GRM7: variants seen among roughly 807,000 people sequenced by gnomAD.
GRM7 encodes the protein glutamate metabotropic receptor 7.
In GRM7, 35 loss-of-function variants were observed where a neutral mutation model predicts 84.5. That is an observed-to-expected ratio of 0.41 (90% CI 0.32 to 0.55). The LOEUF is 0.55. Among genes scored for constraint, GRM7 ranks in the 20% least tolerant of loss-of-function variants. GRM7 has a pLI of 0.19. For synonymous variants in GRM7, 487 were observed against 455.1 expected, an observed-to-expected ratio of 1.07 and a Z score of -0.89; for missense variants, 1,003 against 1,194.6, an observed-to-expected ratio of 0.84 and a Z score of 2.36.
intron 1 of GRM7, among the ~76,000 whole-genome samples, chr3:7,054,288 A>C (rs530250231): frequency 1.3e-5 from 2 of 149,454 alleles, no homozygotes; most frequent in Middle Eastern, 3.7e-3. Context: ...TATATCATAA[A>C]AGATAAGATT....
In GRM7 at chr3:7,512,605, A is replaced by G. The variant is rs1446128641; in HGVS notation, c.1515+50883A>G. On this transcript the variant is annotated intron_variant, in intron 7 of 9. Coordinates refer to ENST00000357716, the MANE Select transcript of GRM7 (RefSeq NM_000844.4). ...TTTTAGATTTTTTTTTTTTTTTTTG[A>G]GCATTAGAGAGACATTTGGGAATTT... 2.6e-5 allele frequency among the ~76,000 whole-genome samples: 3 copies of G among 114,848 alleles called. No homozygotes were observed. In the Admixed American group the frequency reaches 2.8e-4, roughly 11 times the overall value. 75.3% of individuals were successfully genotyped at this position (114,848 alleles called of 152,430 possible).
chr3:7,115,599 C>A (rs75280728), intron 1 of GRM7, among the ~76,000 whole-genome samples: 1,860 of 152,188 alleles, frequency 0.012, 35 homozygotes, highest in African/African-American at 0.042. Context: ...AAGGGAAGGG[C>A]TAATCTATTA....
chr3:6,958,529 C>A (rs541280275), intron 1 of GRM7, among the ~76,000 whole-genome samples: 1 of 151,838 alleles, frequency 6.6e-6, no homozygotes, highest in African/African-American at 2.4e-5. Flanking sequence ...TTTCATTTTC[C>A]CTGGGTAAAT....
intron 4 of GRM7, among the ~76,000 whole-genome samples, chr3:7,338,933 G>T (rs1701529513): frequency 6.7e-6 from 1 of 149,024 alleles, no homozygotes; most frequent in Non-Finnish European, 1.5e-5. Context: ...TTTCCAGGCT[G>T]GGGAAAAAAA....
chr3:7,621,418 A>G lies in GRM7; in HGVS notation c.2451+42061A>G, dbSNP rs574363512. On this transcript the variant is annotated intron_variant, in intron 8 of 9. Coordinates refer to ENST00000357716, the MANE Select transcript of GRM7 (RefSeq NM_000844.4). ...ATTGGATGTCTCAAGTCATTTAGTT[A>G]ATTAAACACAAACGTGGACCCTGCC... Among the ~76,000 whole-genome samples the G allele has an allele frequency of 4.6e-5, 7 of 152,238 alleles. No homozygotes were observed. The East Asian group carries it at 9.7e-4, about 21-fold the overall frequency.
chr3:7,616,941 A>G (rs1316299296), intron 8 of GRM7, among the ~76,000 whole-genome samples: 1 of 152,182 alleles, frequency 6.6e-6, no homozygotes, highest in Non-Finnish European at 1.5e-5. Context: ...TAATGGAATT[A>G]AACTAAGTCT....
intron 1 of GRM7, among the ~76,000 whole-genome samples, chr3:6,995,549 G>A (rs911975258): frequency 1.3e-5 from 2 of 152,114 alleles, no homozygotes; most frequent in African/African-American, 2.4e-5. Context: ...GGATGCAATG[G>A]CAATTTTGTA....
intron 1 of GRM7, among the ~76,000 whole-genome samples, chr3:6,996,289 C>A (rs566002693): frequency 2.6e-5 from 4 of 152,112 alleles, no homozygotes; most frequent in Non-Finnish European, 5.9e-5. Context: ...ACCTCGTGAT[C>A]CACCTGCTTC....
chr3:7,422,152 A>G (rs77595661), intron 5 of GRM7, among the ~76,000 whole-genome samples: 12,289 of 152,074 alleles, frequency 0.081, 1,526 homozygotes, highest in African/African-American at 0.27. Flanking sequence ...CTATCCCTTT[A>G]GATCAGGGCA....
intron 1 of GRM7, among the ~76,000 whole-genome samples, chr3:6,921,903 G>C (rs1347653658): frequency 6.6e-6 from 1 of 152,134 alleles, no homozygotes; most frequent in Non-Finnish European, 1.5e-5. Context: ...CACAGACCGA[G>C]ATGCTGGGAC....
intron 9 of GRM7, among the ~76,000 whole-genome samples, chr3:7,735,374 T>A (rs1461616336): frequency 1.3e-5 from 1 of 78,808 alleles, no homozygotes; most frequent in Non-Finnish European, 2.4e-5. Flanking sequence ...TGCAAAATGA[T>A]CCACTAAAAA....
chr3:7,566,162 C>T (rs983032645), intron 7 of GRM7, among the ~76,000 whole-genome samples: 2 of 126,004 alleles, frequency 1.6e-5, no homozygotes, highest in East Asian at 2.2e-4. Flanking sequence ...ATACTTTAGG[C>T]TTTTCTGGCT....
In GRM7 at chr3:6,904,450, A is replaced by C. The variant is rs190731801; in HGVS notation, c.519+42543A>C. On this transcript the variant is annotated intron_variant, in intron 1 of 9. Transcript: ENST00000357716. The stretch of plus-strand genomic sequence containing the variant: ...AAAGTAGGATACTAGTTTGTGTCTC[A>C]TAGGATTTCTTTGTGAAAATTCAGC... Among the ~76,000 whole-genome samples, 6 of 152,260 alleles carry C rather than the reference A, an allele frequency of 3.9e-5. No homozygotes were observed. The East Asian group carries it at 1.2e-3, about 29-fold the overall frequency.
intron 1 of GRM7, among the ~76,000 whole-genome samples, chr3:6,969,804 A>C (rs1411096847): frequency 6.6e-6 from 1 of 152,204 alleles, no homozygotes; most frequent in Non-Finnish European, 1.5e-5. Context: ...TTAGGGGTAC[A>C]GGGAATCTCC....
At chr3:7,720,706 A>C (rs1396020665) in intron 9 of GRM7, among the ~76,000 whole-genome samples, 1 of 152,250 alleles carries the variant, frequency 6.6e-6, no homozygotes, top group African/African-American at 2.4e-5. Context: ...TAGGTGCTAA[A>C]GATAAAAAGA....
At chr3:7,271,627 A>C (rs1218438781) in intron 2 of GRM7, among the ~76,000 whole-genome samples, 1 of 151,882 alleles carries the variant, frequency 6.6e-6, no homozygotes, top group Non-Finnish European at 1.5e-5. Flanking sequence ...TCAGTGGATC[A>C]GAACCTGGAT....
intron 9 of GRM7, among the ~76,000 whole-genome samples, chr3:7,700,215 T>C (rs1337760689): frequency 6.6e-6 from 1 of 152,102 alleles, no homozygotes; most frequent in Non-Finnish European, 1.5e-5. Flanking sequence ...TCAGTGGATG[T>C]CCCTGAACTC....
chr3:7,162,069 C>T (rs1047351459), intron 2 of GRM7, among the ~76,000 whole-genome samples: 5 of 152,100 alleles, frequency 3.3e-5, no homozygotes, highest in Non-Finnish European at 5.9e-5. Context: ...ATGGTTGTTA[C>T]GAGCAGATTT....
chr3:7,425,356 C>T (rs188621360), intron 5 of GRM7, among the ~76,000 whole-genome samples: 68 of 152,310 alleles, frequency 4.5e-4, no homozygotes, highest in Admixed American at 2.1e-3. Flanking sequence ...AGAGAAAAGA[C>T]AGAGCTCAAA....
Sources: allele counts gnomAD v4.1 joint callset (sites outside exome capture counted in the v4.1 genomes callset), GRCh38; gene constraint gnomAD v4.1.1; transcripts MANE v1.5; gene names NCBI Gene and HGNC (gene_info 2026-07-23, HGNC 2026-07-21).